The following SSBP2 variants were observed in gnomAD, a reference collection of about 807,000 sequenced individuals.
The protein encoded by SSBP2 is single stranded DNA binding protein 2.
Under a neutral mutation model 61.8 loss-of-function variants are expected in SSBP2, and 17 were observed. The observed-to-expected ratio is 0.28, with a 90% CI of 0.19 to 0.41. SSBP2 has a LOEUF of 0.41. Among genes scored for constraint, SSBP2 ranks in the 10% least tolerant of loss-of-function variants. The probability of loss-of-function intolerance (pLI) is 1.00; values close to 1 mark genes in which losing one functional copy is unlikely to be tolerated. For synonymous variants in SSBP2, 139 were observed against 141.3 expected (o/e 0.98, Z 0.12); for missense variants, 310 against 458.7 (o/e 0.68, Z 2.96).
intron 4 of SSBP2, among the ~76,000 whole-genome samples, chr5:81,602,240 C>T (rs1744436075): frequency 6.6e-6 from 1 of 152,146 alleles, no homozygotes; most frequent in African/African-American, 2.4e-5. Flanking sequence ...TGTGTGTTGT[C>T]TTGGTCCCTC....
intron 4 of SSBP2, among the ~76,000 whole-genome samples, chr5:81,593,189 C>A (rs1034091459): frequency 1.1e-4 from 16 of 152,060 alleles, no homozygotes; most frequent in Non-Finnish European, 2.4e-4. Flanking sequence ...AGCTACATGA[C>A]AAATGCAGAA....
chr5:81,446,288 AATG>A (rs975109979), intron 12 of SSBP2, among the ~76,000 whole-genome samples: 4 of 152,202 alleles, frequency 2.6e-5, no homozygotes, highest in African/African-American at 9.6e-5. Flanking sequence ...CTCAAAAATA[AATG>A]ATAAAACTAT....
At chr5:81,667,151 C>T (rs1403647855) in intron 1 of SSBP2, among the ~76,000 whole-genome samples, 1 of 152,156 alleles carries the variant, frequency 6.6e-6, no homozygotes, top group East Asian at 1.9e-4. Flanking sequence ...TGCCTCAGGG[C>T]AAATTCCAGA....
intron 1 of SSBP2, among the ~76,000 whole-genome samples, chr5:81,715,220 G>C (rs967373999): frequency 1.3e-5 from 2 of 152,102 alleles, no homozygotes; most frequent in African/African-American, 2.4e-5. Flanking sequence ...TGCCAGAACA[G>C]AGTAGGATTT....
intron 1 of SSBP2, among the ~76,000 whole-genome samples, chr5:81,698,539 C>T (rs1229219039): frequency 3.3e-5 from 5 of 152,264 alleles, no homozygotes; most frequent in East Asian, 1.9e-4. Context: ...AGGCCACGTG[C>T]GGTGGCTCAC....
chr5:81,587,888 G>C (rs1345560873), intron 4 of SSBP2, among the ~76,000 whole-genome samples: 1 of 152,274 alleles, frequency 6.6e-6, no homozygotes, highest in Admixed American at 6.5e-5. Flanking sequence ...ATGGTAGATG[G>C]AGACACTGAG....
chr5:81,427,745 T>C (rs1206572072), intron 16 of SSBP2, among the ~76,000 whole-genome samples: 1 of 152,136 alleles, frequency 6.6e-6, no homozygotes, highest in Non-Finnish European at 1.5e-5. Context: ...TTATGCTACA[T>C]TCCAGTTCAG....
In SSBP2 at chr5:81,418,073, A is replaced by C. The variant is rs1418482741; in HGVS notation, c.*2431T>G. On this transcript the variant is annotated 3_prime_UTR_variant, in exon 17 of 17. Coordinates refer to ENST00000320672, the MANE Select transcript of SSBP2 (RefSeq NM_012446.5). ...TTCAAGATCGGTAACAATGGAGAAG[A>C]GTCAACAAAATATTTGAAAATTCTA... 1 of 152,250 alleles carries C rather than the reference A, an allele frequency of 6.6e-6. No individual in the cohort carries two copies. The highest frequency in any genetic ancestry group is 1.5e-5 in the Non-Finnish European group (1 of 68,044). 9.4% of individuals were successfully genotyped at this position (152,250 alleles called of 1,614,324 possible).
chr5:81,548,965 A>G (rs116592185), intron 4 of SSBP2, among the ~76,000 whole-genome samples: 2,090 of 152,286 alleles, frequency 0.014, 31 homozygotes, highest in South Asian at 0.076. Context: ...TCTTTCATAA[A>G]CTGAAATTTT....
intron 1 of SSBP2, among the ~76,000 whole-genome samples, chr5:81,687,581 A>G (rs151229976): frequency 4.6e-5 from 7 of 152,308 alleles, no homozygotes; most frequent in South Asian, 4.1e-4. Flanking sequence ...TTAAAGCTAT[A>G]GGAGATACTC....
At chr5:81,466,793 G>C (rs1270092468) in intron 9 of SSBP2, among the ~76,000 whole-genome samples, 181 bp downstream of exon 9, 1 of 151,932 alleles carries the variant, frequency 6.6e-6, no homozygotes, top group Non-Finnish European at 1.5e-5. Flanking sequence ...AAACACTACA[G>C]CTCTTGTTTA....
intron 4 of SSBP2, among the ~76,000 whole-genome samples, chr5:81,593,991 A>G (rs1743418885): frequency 6.6e-6 from 1 of 152,196 alleles, no homozygotes; most frequent in South Asian, 2.1e-4. Flanking sequence ...ACACATAACA[A>G]TATTAACTTT....
intron 4 of SSBP2, among the ~76,000 whole-genome samples, chr5:81,594,447 AACAAGGAT>A (rs1228685816): frequency 1.3e-5 from 2 of 152,174 alleles, no homozygotes; most frequent in Non-Finnish European, 2.9e-5. Flanking sequence ...ACAGAAAGTT[AACAAGGAT>A]ACCCAGGAAT....
At chr5:81,713,169 T>C (rs935689844) in intron 1 of SSBP2, among the ~76,000 whole-genome samples, 1 of 152,118 alleles carries the variant, frequency 6.6e-6, no homozygotes, top group Non-Finnish European at 1.5e-5. Context: ...ATAGGGTTAG[T>C]ATTACATAAT....
At chr5:81,478,133 C>T (rs1239560108) in intron 6 of SSBP2, among the ~76,000 whole-genome samples, 3 of 151,956 alleles carry the variant, frequency 2.0e-5, no homozygotes, top group Non-Finnish European at 2.9e-5. Context: ...CAATTGTGAA[C>T]TTAAAGTTCT....
intron 15 of SSBP2, 124 bp downstream of exon 15, chr5:81,437,306 C>T (rs1762734333): frequency 2.4e-6 from 2 of 839,046 alleles, no homozygotes; most frequent in African/African-American, 3.5e-5. Flanking sequence ...ATTAATTATA[C>T]CTGGTCTTCT....
chr5:81,587,763 GCACACACA>G (rs60642395), intron 4 of SSBP2, among the ~76,000 whole-genome samples: 1 of 148,928 alleles, frequency 6.7e-6, no homozygotes, highest in Non-Finnish European at 1.5e-5. Flanking sequence ...ACACGCGCGC[GCACACACA>G]CACACACACA....
At chr5:81,489,891 A>G (rs1241645809) in intron 5 of SSBP2, among the ~76,000 whole-genome samples, 2 of 152,110 alleles carry the variant, frequency 1.3e-5, no homozygotes, top group Admixed American at 1.3e-4. Flanking sequence ...GGCGGCACAC[A>G]CCTATAGTCC....
intron 5 of SSBP2, among the ~76,000 whole-genome samples, chr5:81,504,415 C>T (rs900470317): frequency 1.3e-5 from 2 of 152,166 alleles, no homozygotes; most frequent in African/African-American, 2.4e-5. Context: ...GACTTCCTAT[C>T]TCACAATTCT....
Sources: allele counts gnomAD v4.1 joint callset (sites outside exome capture counted in the v4.1 genomes callset), GRCh38; gene constraint gnomAD v4.1.1; transcripts MANE v1.5; gene names NCBI Gene and HGNC (gene_info 2026-07-23, HGNC 2026-07-21).